Variants in LACTBL1 observed in about 807,000 individuals in gnomAD.
LACTBL1 encodes the protein lactamase beta like 1.
Under a neutral mutation model 39.6 loss-of-function variants are expected in LACTBL1, and 29 were observed. The ratio of observed to expected loss-of-function variants is 0.73; its 90% CI spans 0.55 to 1.00. The LOEUF is 1.00. LACTBL1 is among the 50% of genes least tolerant of loss of function. LACTBL1 has a pLI of 0.00. For missense variants in LACTBL1, 711 were observed against 748.5 expected (o/e 0.95, Z 0.59); for synonymous variants, 361 against 360.7 (o/e 1.00, Z -0.01).
At chr1:22,959,965 G>A in exon 3 of LACTBL1, 1 of 1,551,136 alleles carries the variant, frequency 6.4e-7, no homozygotes. Flanking sequence ...ACTCATTGGG[G>A]GCCCCAGAAG....
the LACTBL1 span, among the ~76,000 whole-genome samples, chr1:22,972,137 A>G: frequency 7.3e-6 from 1 of 137,886 alleles, no homozygotes; most frequent in African/African-American, 2.9e-5. Flanking sequence ...TGCAAGCTCT[A>G]GAGATGATGA....
At chr1:22,969,852 C>A (rs1640921047), upstream of LACTBL1, among the ~76,000 whole-genome samples, 1 of 152,180 alleles carries the variant, frequency 6.6e-6, no homozygotes, top group Admixed American at 6.6e-5. Flanking sequence ...AGGATTCTCT[C>A]CAGCACCAGC....
chr1:22,953,354 G>A (rs1640724752), exon 6 of LACTBL1: 1 of 1,228,956 alleles, frequency 8.1e-7, no homozygotes, highest in Non-Finnish European at 1.0e-6. Context: ...GGCCCGGCGC[G>A]CACCTCGTAG....
At chr1:22,958,708 C>T (rs1363462686) in exon 4 of LACTBL1, 7 of 1,548,806 alleles carry the variant, frequency 4.5e-6, no homozygotes, top group South Asian at 1.2e-5. Context: ...GGCCATCCTT[C>T]GAAGGGTGAC....
chr1:22,968,213 G>C (rs1481183243), upstream of LACTBL1, among the ~76,000 whole-genome samples: 1 of 152,152 alleles, frequency 6.6e-6, no homozygotes, highest in Non-Finnish European at 1.5e-5. Flanking sequence ...TGTGGAGTGT[G>C]TTGTTGTATA....
At chr1:22,953,772 G>C in exon 6 of LACTBL1, 1 of 1,496,232 alleles carries the variant, frequency 6.7e-7, no homozygotes, top group South Asian at 1.3e-5. Flanking sequence ...GCTTGGCCAG[G>C]TCGGCGGCGG....
chr1:22,968,579 A>G (rs1414704491), upstream of LACTBL1, among the ~76,000 whole-genome samples: 1 of 152,050 alleles, frequency 6.6e-6, no homozygotes, highest in Non-Finnish European at 1.5e-5. Flanking sequence ...TTTACTTATT[A>G]GAGTTCTTCA....
At chr1:22,954,368 A>G (rs367960005) in intron 5 of LACTBL1, among the ~76,000 whole-genome samples, 1 of 152,178 alleles carries the variant, frequency 6.6e-6, no homozygotes. Context: ...AAAGGCTTAC[A>G]CTGCTCTGGG....
intron 1 of LACTBL1, 50 bp downstream of exon 3, chr1:22,965,240 G>T: frequency 1.5e-6 from 2 of 1,292,170 alleles, no homozygotes; most frequent in Non-Finnish European, 2.0e-6. Flanking sequence ...CAAAGCCCAG[G>T]AGGACCCAGG....
At chr1:22,955,472 G>C (rs1258584118) in intron 4 of LACTBL1, 46 bp from the exon 7 acceptor site, 11 of 1,320,084 alleles carry the variant, frequency 8.3e-6, no homozygotes, top group Non-Finnish European at 1.1e-6. Flanking sequence ...GCTGAGGGTG[G>C]GATGGTGGGC....
rs1484115646 is a variant in LACTBL1 at position 22,958,966 on chromosome 1, C to T, written c.318-46G>A. On this transcript the variant is annotated intron_variant, in intron 3 of 5. Transcript: ENST00000426928. ...AAGCAGTCAAAGGGCATCCTGTTGG[C>T]CCCACAACCCACCTCCTGCCCCCAT... 2.3e-6 allele frequency: 3 copies of T among 1,322,426 alleles called. No individual in the cohort carries two copies. The Admixed American group carries it at 6.4e-5, about 28-fold the overall frequency. 81.9% of individuals were successfully genotyped at this position (1,322,426 alleles called of 1,614,324 possible).
chr1:22,967,633 A>T (rs1276934534), upstream of LACTBL1, among the ~76,000 whole-genome samples: 1 of 151,856 alleles, frequency 6.6e-6, no homozygotes, highest in Non-Finnish European at 1.5e-5. Context: ...ATGGTTCCAT[A>T]CATATATATA....
chr1:22,965,503 T>G (rs764005382), upstream of LACTBL1: 21 of 838,000 alleles, frequency 2.5e-5, no homozygotes, highest in Non-Finnish European at 2.4e-5. Context: ...CCCTGGCCCC[T>G]CCTAGGCCTC....
exon 5 of LACTBL1, chr1:22,955,356 G>C: frequency 6.4e-7 from 1 of 1,550,552 alleles, no homozygotes; most frequent in African/African-American, 1.4e-5. Flanking sequence ...CATCGTCCTT[G>C]AGCAGGTTCA....
chr1:22,961,686 G>T (rs1242987948), intron 2 of LACTBL1, among the ~76,000 whole-genome samples: 1 of 151,308 alleles, frequency 6.6e-6, no homozygotes, highest in Admixed American at 6.6e-5. Flanking sequence ...TTAACTGCTG[G>T]ACCACCTTGC....
upstream of LACTBL1, among the ~76,000 whole-genome samples, chr1:22,970,139 G>A (rs1454308054): frequency 2.6e-5 from 4 of 152,220 alleles, no homozygotes; most frequent in Admixed American, 1.3e-4. Context: ...TCTTTCAGCT[G>A]TAGAATCTAG....
At chr1:22,967,612 A>C (rs535468580), upstream of LACTBL1, among the ~76,000 whole-genome samples, 28 of 152,154 alleles carry the variant, frequency 1.8e-4, no homozygotes, top group Non-Finnish European at 3.2e-4. Context: ...ACACATATAC[A>C]CATATATATA....
intron 3 of LACTBL1, 96 bp downstream of exon 5, chr1:22,959,846 C>G: frequency 7.2e-7 from 1 of 1,395,586 alleles, no homozygotes; most frequent in Non-Finnish European, 9.7e-7. Flanking sequence ...AGATTAGACC[C>G]CAGCCATGAT....
chr1:22,956,509 G>C (rs1425250071), intron 4 of LACTBL1, among the ~76,000 whole-genome samples: 1 of 152,164 alleles, frequency 6.6e-6, no homozygotes, highest in Non-Finnish European at 1.5e-5. Flanking sequence ...GTGGGCACTT[G>C]AGGGATTCCT....
Sources: allele counts gnomAD v4.1 joint callset (sites outside exome capture counted in the v4.1 genomes callset), GRCh38; gene constraint gnomAD v4.1.1; transcripts MANE v1.5; gene names NCBI Gene and HGNC (gene_info 2026-07-23, HGNC 2026-07-21).